TRIM24: variants seen among roughly 807,000 people sequenced by gnomAD.
TRIM24 encodes the protein tripartite motif containing 24.
Under a neutral mutation model 123.9 loss-of-function variants are expected in TRIM24, and 29 were observed. The observed-to-expected ratio is 0.23, with a 90% CI of 0.17 to 0.32. The LOEUF is 0.32. Among genes scored for constraint, TRIM24 ranks in the 10% least tolerant of loss-of-function variants. TRIM24 has a pLI of 1.00. For synonymous variants in TRIM24, 456 were observed against 461.1 expected (o/e 0.99, Z 0.14); for missense variants, 932 against 1,295.3 (o/e 0.72, Z 4.31).
chr7:138,550,205 A>G (rs112313195), intron 7 of TRIM24, among the ~76,000 whole-genome samples: 7 of 152,246 alleles, frequency 4.6e-5, no homozygotes, highest in African/African-American at 1.2e-4. Flanking sequence ...GATCAGTTCA[A>G]TTATATTCAG....
At position 138,483,459 on chromosome 7, in the gene TRIM24, G is replaced by A. The variant is rs540807201; in HGVS notation, c.365-20831G>A. Among the ~76,000 whole-genome samples the A allele has an allele frequency of 2.6e-5, 4 of 152,190 alleles. No homozygotes were observed. In the South Asian group the frequency reaches 8.3e-4, roughly 32 times the overall value. On this transcript the variant is annotated intron_variant, in intron 1 of 18. Coordinates refer to ENST00000343526, the MANE Select transcript of TRIM24 (RefSeq NM_015905.3). ...AGTCAAGCCAGTGGAAATTTATCTT[G>A]TTCCTGATCTCAGAAAGGAAGCTTC...
chr7:138,461,326 G>T (rs538989322), intron 1 of TRIM24: 1 of 479,770 alleles, frequency 2.1e-6, no homozygotes, highest in South Asian at 1.5e-5. Flanking sequence ...TGATCATCTC[G>T]TCTATACTCA....
chr7:138,494,433 C>T (rs1382663148), intron 1 of TRIM24, among the ~76,000 whole-genome samples: 3 of 151,846 alleles, frequency 2.0e-5, no homozygotes, highest in Non-Finnish European at 4.4e-5. Flanking sequence ...TTCTGTTAGT[C>T]TGGAATTACT....
intron 2 of TRIM24, among the ~76,000 whole-genome samples, chr7:138,505,560 AG>A (rs1796136409): frequency 7.2e-6 from 1 of 138,094 alleles, no homozygotes; most frequent in Admixed American, 7.5e-5. Flanking sequence ...TTGTTGAGAC[AG>A]GGTCTCACTC....
In TRIM24 at chr7:138,573,502, G is replaced by A; in HGVS notation, c.1879-5G>A. 6.5e-7 allele frequency: 1 copy of A among 1,547,578 alleles called. No homozygotes were observed. On this transcript the variant is annotated splice_region_variant and splice_polypyrimidine_tract_variant and intron_variant, in intron 11 of 18. Transcript: ENST00000343526. ...ATGCCCTGAAATAATTTCTTTTCTT[G>A]TAAGATTGACTGTTCAAGTACTATT...
chr7:138,537,037 G>T (rs1796892982), intron 6 of TRIM24, among the ~76,000 whole-genome samples: 1 of 152,150 alleles, frequency 6.6e-6, no homozygotes, highest in Non-Finnish European at 1.5e-5. Context: ...TAATCTCCTG[G>T]TGTGCTGTTT....
At chr7:138,477,170 C>T (rs1446485829) in intron 1 of TRIM24, among the ~76,000 whole-genome samples, 10 of 151,808 alleles carry the variant, frequency 6.6e-5, no homozygotes, top group Admixed American at 1.3e-4. Flanking sequence ...AAATAAACAA[C>T]GGAGGCCAGG....
intron 4 of TRIM24, 39 bp from the exon 5 acceptor site, chr7:138,525,202 T>G: frequency 1.1e-6 from 1 of 943,622 alleles, no homozygotes; most frequent in Non-Finnish European, 1.5e-6. Flanking sequence ...TTTTCCTCAT[T>G]GTATATTTTT....
chr7:138,576,574 TAAC>T (rs59147816), intron 13 of TRIM24, 129 bp downstream of exon 13: 183,326 of 652,780 alleles, frequency 0.28, 29,069 homozygotes, highest in African/African-American at 0.39. Flanking sequence ...AAAATTTTAA[TAAC>T]TACTATATAT....
chr7:138,487,012 G>A (rs575448459), intron 1 of TRIM24, among the ~76,000 whole-genome samples: 1 of 152,056 alleles, frequency 6.6e-6, no homozygotes, highest in South Asian at 2.1e-4. Flanking sequence ...CTTTTATTTT[G>A]TTGAGCAGTG....
chr7:138,463,989 C>CATTTTTTTTTTTTTTTT (rs1554429651), intron 1 of TRIM24, among the ~76,000 whole-genome samples: 14 of 50,760 alleles, frequency 2.8e-4, no homozygotes, highest in African/African-American at 1.1e-3. Context: ...AAAATTTAGA[C>CATTTTTTTTTTTTTTTT]TTTTTTTTTT....
At chr7:138,510,393 G>A (rs759145428) in intron 2 of TRIM24, among the ~76,000 whole-genome samples, 1 of 152,024 alleles carries the variant, frequency 6.6e-6, no homozygotes, top group East Asian at 1.9e-4. Flanking sequence ...CAAATCATGT[G>A]TGTGTGTGGT....
intron 1 of TRIM24, among the ~76,000 whole-genome samples, chr7:138,495,612 TTCTTTA>T (rs1795888509): frequency 6.6e-6 from 1 of 152,096 alleles, no homozygotes; most frequent in South Asian, 2.1e-4. Context: ...TATATTTATT[TTCTTTA>T]TCTTTTTTTT....
chr7:138,570,405 A>G (rs905806163), intron 10 of TRIM24, among the ~76,000 whole-genome samples: 7 of 152,212 alleles, frequency 4.6e-5, no homozygotes, highest in Admixed American at 4.6e-4. Flanking sequence ...CTGTTCATAT[A>G]TGAGAAGAGG....
intron 12 of TRIM24, among the ~76,000 whole-genome samples, chr7:138,574,003 C>G (rs945601223): frequency 6.6e-6 from 1 of 152,158 alleles, no homozygotes; most frequent in Non-Finnish European, 1.5e-5. Flanking sequence ...AACTTCTGGC[C>G]TTAAGCAATC....
rs1554445129 is a variant in TRIM24 at position 138,577,401 on chromosome 7, T to C, written c.2088-19T>C. On this transcript the variant is annotated intron_variant, in intron 13 of 18. Transcript: ENST00000343526. The stretch of plus-strand genomic sequence containing the variant: ...CTTAACATTCTTAGATTGCTTTTTC[T>C]TCTCTCTCATACTTACAGCTCTGGC... 6.7e-7 allele frequency: 1 copy of C among 1,496,644 alleles called. No homozygotes were observed. The highest frequency in any genetic ancestry group is 8.9e-7 in the Non-Finnish European group (1 of 1,124,562). The allele number at this position is 1,496,644 out of a possible 1,614,324, so 92.7% of individuals were successfully genotyped here.
At chr7:138,486,602 C>T (rs1418201393) in intron 1 of TRIM24, among the ~76,000 whole-genome samples, 2 of 152,110 alleles carry the variant, frequency 1.3e-5, no homozygotes, top group Non-Finnish European at 2.9e-5. Flanking sequence ...GAATCCTTTC[C>T]CCATTTCTTG....
intron 2 of TRIM24, among the ~76,000 whole-genome samples, chr7:138,505,788 C>T (rs1370193769): frequency 1.3e-5 from 2 of 152,114 alleles, no homozygotes; most frequent in African/African-American, 4.8e-5. Flanking sequence ...TTTCTATAAC[C>T]CACATGTAGA....
At chr7:138,542,030 G>T (rs1797014722) in intron 7 of TRIM24, among the ~76,000 whole-genome samples, 1 of 152,194 alleles carries the variant, frequency 6.6e-6, no homozygotes, top group South Asian at 2.1e-4. Context: ...ATTAGATCTT[G>T]GGTTAAGGTT....
Sources: allele counts gnomAD v4.1 joint callset (sites outside exome capture counted in the v4.1 genomes callset), GRCh38; gene constraint gnomAD v4.1.1; transcripts MANE v1.5; gene names NCBI Gene and HGNC (gene_info 2026-07-23, HGNC 2026-07-21).